The following MAPDA variants were observed in gnomAD, a reference collection of about 807,000 sequenced individuals.
MAPDA encodes the protein N6,N6-dimethyl-AMP deaminase.
chr15:43,348,199 T>C, the MAPDA span, among the ~76,000 whole-genome samples: 2 of 152,244 alleles, frequency 1.3e-5, no homozygotes, highest in African/African-American at 4.8e-5. Flanking sequence ...TCATGGTGAT[T>C]GTGGTATGTA....
the MAPDA span, chr15:43,352,037 C>G: frequency 3.1e-6 from 4 of 1,309,734 alleles, no homozygotes; most frequent in Non-Finnish European, 3.1e-6. Flanking sequence ...TCCTTTGAAG[C>G]ATAGCAACCA....
At chr15:43,351,550 G>A in the MAPDA span, 1 of 557,992 alleles carries the variant, frequency 1.8e-6, no homozygotes, top group Non-Finnish European at 3.1e-6. Flanking sequence ...TCCAGCCAGA[G>A]TTGAAACACT....
At chr15:43,334,301 T>C in the MAPDA span, among the ~76,000 whole-genome samples, 4 of 152,100 alleles carry the variant, frequency 2.6e-5, no homozygotes, top group Admixed American at 6.6e-5. Flanking sequence ...CCTCTGTTCT[T>C]CTTTTATATA....
the MAPDA span, among the ~76,000 whole-genome samples, chr15:43,350,597 CA>C: frequency 6.6e-6 from 1 of 152,196 alleles, no homozygotes; most frequent in African/African-American, 2.4e-5. Flanking sequence ...AGTAGCTTTT[CA>C]AAAAACCCTT....
chr15:43,344,506 G>T, the MAPDA span, among the ~76,000 whole-genome samples: 1 of 152,002 alleles, frequency 6.6e-6, no homozygotes, highest in African/African-American at 2.4e-5. Flanking sequence ...GGGTTCTCTG[G>T]GTATTCAAGA....
the MAPDA span, chr15:43,343,026 C>T: frequency 6.3e-7 from 1 of 1,591,216 alleles, no homozygotes; most frequent in Non-Finnish European, 8.5e-7. Flanking sequence ...GGAATCTATA[C>T]TTGAAGGTAT....
the MAPDA span, among the ~76,000 whole-genome samples, chr15:43,345,369 A>AAAG: frequency 0.42 from 61,383 of 144,846 alleles, 17,104 homozygotes; most frequent in African/African-American, 0.79. Flanking sequence ...AAAAAAAAAA[A>AAAG]AAATAGGACA....
chr15:43,342,921 A>G, the MAPDA span: 1 of 1,108,880 alleles, frequency 9.0e-7, no homozygotes, highest in Admixed American at 2.3e-5. Flanking sequence ...AATTGTTCAT[A>G]TAGGATTGCT....
At chr15:43,345,823 A>G in the MAPDA span, 47 of 1,613,410 alleles carry the variant, frequency 2.9e-5, no homozygotes, top group Admixed American at 5.3e-4. Flanking sequence ...GTGTCATATT[A>G]GTTTTCAACT....
chr15:43,333,144 G>A, the MAPDA span, among the ~76,000 whole-genome samples: 8 of 152,218 alleles, frequency 5.3e-5, no homozygotes, highest in South Asian at 4.1e-4. Context: ...AAATCTGGCC[G>A]GGCGCAGTGG....
the MAPDA span, among the ~76,000 whole-genome samples, chr15:43,332,851 G>A: frequency 6.6e-6 from 1 of 152,128 alleles, no homozygotes; most frequent in Non-Finnish European, 1.5e-5. Context: ...TATTACTAAC[G>A]TGGATCTTAT....
the MAPDA span, among the ~76,000 whole-genome samples, chr15:43,341,085 A>C: frequency 6.6e-6 from 1 of 152,216 alleles, no homozygotes; most frequent in Non-Finnish European, 1.5e-5. Flanking sequence ...TCCTCCTTCT[A>C]TAAGAGCAGC....
At chr15:43,345,726 C>G in the MAPDA span, 4 of 1,109,772 alleles carry the variant, frequency 3.6e-6, no homozygotes, top group African/African-American at 1.6e-5. Context: ...TGTCTAGATT[C>G]AGTCAGGCTA....
chr15:43,353,081 A>G, the MAPDA span: 7 of 151,702 alleles, frequency 4.6e-5, no homozygotes, highest in African/African-American at 1.5e-4. Context: ...CTGTATTTCT[A>G]CCTTAGTACT....
the MAPDA span, among the ~76,000 whole-genome samples, chr15:43,346,337 T>C: frequency 6.6e-6 from 1 of 152,192 alleles, no homozygotes. Context: ...GTCTCATAGA[T>C]AGTTGAGAAA....
At chr15:43,340,457 T>C in the MAPDA span, 1 of 882,566 alleles carries the variant, frequency 1.1e-6, no homozygotes, top group Non-Finnish European at 1.8e-6. Context: ...TATACTATTG[T>C]GTTGTTCTGT....
At chr15:43,344,007 C>A in the MAPDA span, among the ~76,000 whole-genome samples, 1 of 151,764 alleles carries the variant, frequency 6.6e-6, no homozygotes, top group Non-Finnish European at 1.5e-5. Context: ...TTTCAGTAGG[C>A]TAAAAAAAGT....
chr15:43,342,955 A>G, the MAPDA span: 1 of 1,412,012 alleles, frequency 7.1e-7, no homozygotes, highest in African/African-American at 1.5e-5. Context: ...GAAATAGTTG[A>G]TGATCTCTTT....
At chr15:43,335,600 G>T in the MAPDA span, 1 of 1,305,408 alleles carries the variant, frequency 7.7e-7, no homozygotes. Flanking sequence ...AATCTAGTAA[G>T]CAGTTTGCCT....
Sources: allele counts gnomAD v4.1 joint callset (sites outside exome capture counted in the v4.1 genomes callset), GRCh38; gene constraint gnomAD v4.1.1; transcripts MANE v1.5; gene names NCBI Gene and HGNC (gene_info 2026-07-23, HGNC 2026-07-21).